FOXP1: variants seen among roughly 807,000 people sequenced by gnomAD.
FOXP1 encodes forkhead box P1.
Under a neutral mutation model 98.2 loss-of-function variants are expected in FOXP1, and 15 were observed. The observed-to-expected ratio is 0.15, with a 90% confidence interval of 0.10 to 0.24. FOXP1 has a LOEUF of 0.24. Ranked by LOEUF, FOXP1 falls within the 10% of genes least tolerant of loss-of-function variation. The pLI, the probability that FOXP1 is intolerant of heterozygous loss-of-function variation, is 1.00. For synonymous variants in FOXP1, 371 were observed against 314.5 expected, an observed-to-expected ratio of 1.18 and a Z score of -1.90; for missense variants, 633 against 848.5, an observed-to-expected ratio of 0.75 and a Z score of 3.15.
At chr3:71,474,204 A>G (rs1441881824) in intron 3 of FOXP1, among the ~76,000 whole-genome samples, 2 of 152,314 alleles carry the variant, frequency 1.3e-5, no homozygotes, top group East Asian at 3.9e-4. Context: ...CTGTGGCTTA[A>G]GCATAGTATA....
At position 71,523,155 on chromosome 3, in the gene FOXP1, G is replaced by A. The variant is rs527322282; in HGVS notation, c.-297-29600C>T. ...ACAGGGAGATGAAGGCAGAGATCGA[G>A]GCAACGCTCCTACAAGTCAAGGAAT... On this transcript the variant is annotated intron_variant, in intron 2 of 20. Coordinates refer to ENST00000649528, the MANE Select transcript of FOXP1 (RefSeq NM_001349338.3). Among the ~76,000 whole-genome samples the A allele has an allele frequency of 5.9e-5, 9 of 152,254 alleles. No individual in the cohort carries two copies. The South Asian group carries it at 1.9e-3, about 32-fold the overall frequency.
chr3:71,307,878 T>C (rs1320401394), intron 4 of FOXP1, among the ~76,000 whole-genome samples: 1 of 152,194 alleles, frequency 6.6e-6, no homozygotes, highest in African/African-American at 2.4e-5. Flanking sequence ...TCTAATTCCA[T>C]AGGTATTAGA....
At chr3:71,025,523 G>A (rs1478780578) in intron 11 of FOXP1, among the ~76,000 whole-genome samples, 3 of 152,126 alleles carry the variant, frequency 2.0e-5, no homozygotes, top group African/African-American at 7.2e-5. Context: ...TATGTAAGGG[G>A]GTGGCACTGG....
intron 3 of FOXP1, among the ~76,000 whole-genome samples, chr3:71,420,612 C>A (rs546766845): frequency 2.6e-5 from 4 of 152,274 alleles, no homozygotes; most frequent in South Asian, 4.1e-4. Flanking sequence ...GTAAAACAAC[C>A]AGACCCTGCC....
At chr3:71,400,067 T>C (rs543095114) in intron 3 of FOXP1, among the ~76,000 whole-genome samples, 5 of 152,314 alleles carry the variant, frequency 3.3e-5, no homozygotes, top group South Asian at 2.1e-4. Flanking sequence ...AATTTTTTCA[T>C]GTGACAAACT....
intron 3 of FOXP1, among the ~76,000 whole-genome samples, chr3:71,372,512 CAGAGTTCTCCTGG>C (rs1350861211): frequency 5.3e-5 from 8 of 152,072 alleles, no homozygotes; most frequent in African/African-American, 1.9e-4. Context: ...TCCAGGAGAA[CAGAGTTCTCCTGG>C]TGGAGCTGTC....
chr3:71,398,461 T>TAA (rs2081709572), intron 3 of FOXP1, among the ~76,000 whole-genome samples: 2 of 152,336 alleles, frequency 1.3e-5, no homozygotes, highest in South Asian at 4.1e-4. Context: ...TTTAAACACC[T>TAA]ACTTTGCTGG....
At chr3:71,052,166 T>TG (rs1252383460) in intron 9 of FOXP1, among the ~76,000 whole-genome samples, 2 of 147,958 alleles carry the variant, frequency 1.4e-5, no homozygotes, top group African/African-American at 5.3e-5. Flanking sequence ...CTCTGTGAGC[T>TG]GGGGAAAAAA....
intron 3 of FOXP1, among the ~76,000 whole-genome samples, chr3:71,419,774 T>TATGC (rs2083487289): frequency 1.3e-5 from 2 of 152,144 alleles, no homozygotes; most frequent in South Asian, 4.2e-4. Context: ...CACATACATA[T>TATGC]ATGCACACAC....
intron 3 of FOXP1, among the ~76,000 whole-genome samples, chr3:71,479,630 G>A (rs1214535044): frequency 1.4e-5 from 2 of 140,386 alleles, no homozygotes; most frequent in South Asian, 2.2e-4. Flanking sequence ...AATGAGCTGA[G>A]ATCACACCAT....
At chr3:71,003,078 C>T (rs116812160) in intron 12 of FOXP1, among the ~76,000 whole-genome samples, 3,762 of 152,294 alleles carry the variant, frequency 0.025, 139 homozygotes, top group African/African-American at 0.085. Context: ...AGAACCCAAA[C>T]GACATGCCAG....
At chr3:71,558,802 CTTTTTT>C (rs35405702) in intron 2 of FOXP1, among the ~76,000 whole-genome samples, 1 of 117,554 alleles carries the variant, frequency 8.5e-6, no homozygotes, top group African/African-American at 3.4e-5. Context: ...CCGATTCTCA[CTTTTTT>C]TTTTTTTTTT....
At chr3:71,514,974 C>G (rs549234843) in intron 2 of FOXP1, among the ~76,000 whole-genome samples, 3 of 152,336 alleles carry the variant, frequency 2.0e-5, no homozygotes, top group African/African-American at 7.2e-5. Context: ...ATTAGACTCA[C>G]AGCAGGCAAC....
At chr3:71,054,756 G>A (rs2050386995) in intron 7 of FOXP1, among the ~76,000 whole-genome samples, 1 of 151,684 alleles carries the variant, frequency 6.6e-6, no homozygotes, top group South Asian at 2.1e-4. Flanking sequence ...CAAATAAAAA[G>A]ATAAGGAAAG....
intron 6 of FOXP1, among the ~76,000 whole-genome samples, chr3:71,136,686 T>A (rs1412511178): frequency 6.6e-6 from 1 of 152,232 alleles, no homozygotes. Flanking sequence ...CAACTGTTTT[T>A]TGCTGTTTTC....
At position 71,057,274 on chromosome 3, in the gene FOXP1, A is replaced by G. The variant is rs555369360; in HGVS notation, c.283-3501T>C. Among the ~76,000 whole-genome samples the G allele has an allele frequency of 5.4e-3, 458 of 84,670 alleles. 1 individual carries two copies. Among genetic ancestry groups the G allele is most frequent in the African/African-American group, 0.018 (436 of 24,802 alleles). 55.5% of individuals were successfully genotyped at this position (84,670 alleles called of 152,430 possible). ...TATTTATGGGCCCCTCTTTAAAAGT[A>G]TTCAGTAAAAACGAAACTTTTTTTT... is the stretch of plus-strand genomic sequence containing the variant. On this transcript the variant is annotated intron_variant, in intron 7 of 20. Transcript: ENST00000649528.
intron 16 of FOXP1, 142 bp from the exon 17 acceptor site, chr3:70,977,184 T>C (rs1355566172): frequency 3.0e-6 from 2 of 665,832 alleles, no homozygotes; most frequent in Non-Finnish European, 5.4e-6. Context: ...AGATTAATGG[T>C]TGTATTTAAC....
chr3:71,405,875 C>T (rs2082281622), intron 3 of FOXP1, among the ~76,000 whole-genome samples: 1 of 151,834 alleles, frequency 6.6e-6, no homozygotes, highest in South Asian at 2.1e-4. Context: ...ATTACAGGTG[C>T]CCGCCCCAAC....
At chr3:71,294,132 G>C (rs1484931493) in intron 5 of FOXP1, among the ~76,000 whole-genome samples, 1 of 152,202 alleles carries the variant, frequency 6.6e-6, no homozygotes, top group African/African-American at 2.4e-5. Flanking sequence ...TGCAGTGTAA[G>C]TGCTAATAGT....
Sources: allele counts gnomAD v4.1 joint callset (sites outside exome capture counted in the v4.1 genomes callset), GRCh38; gene constraint gnomAD v4.1.1; transcripts MANE v1.5; gene names NCBI Gene and HGNC (gene_info 2026-07-23, HGNC 2026-07-21).